Variants in ECPAS observed in about 807,000 individuals in gnomAD.
ECPAS encodes the protein proteasome adapter and scaffold protein ECM29.
In ECPAS, 70 loss-of-function variants were observed where a neutral mutation model predicts 255.1. The ratio of observed to expected loss-of-function variants is 0.27; its 90% CI spans 0.23 to 0.33. ECPAS has a LOEUF of 0.33. Among genes scored for constraint, ECPAS ranks in the 10% least tolerant of loss-of-function variants. The pLI, the probability that ECPAS is intolerant of heterozygous loss-of-function variation, is 1.00. For synonymous variants in ECPAS, 784 were observed against 775.0 expected, an observed-to-expected ratio of 1.01 and a Z score of -0.19; for missense variants, 1,817 against 2,206.4, an observed-to-expected ratio of 0.82 and a Z score of 3.54.
intron 48 of ECPAS, among the ~76,000 whole-genome samples, chr9:111,364,129 G>A (rs1381576125): frequency 6.6e-6 from 1 of 152,176 alleles, no homozygotes; most frequent in Admixed American, 6.6e-5. Context: ...ATAAAAGGAT[G>A]CTGCTGCCAA....
chr9:111,372,875 T>C (rs1309626291), intron 41 of ECPAS, among the ~76,000 whole-genome samples: 1 of 151,688 alleles, frequency 6.6e-6, no homozygotes, highest in Non-Finnish European at 1.5e-5. Context: ...ATACAAAAAA[T>C]ACAAAAATTA....
At position 111,484,168 on chromosome 9, in the gene ECPAS, T is replaced by C. The variant is rs2098311760; in HGVS notation, c.-135A>G. ...GGACGCTGCGCTCGGCGCCGCGAGG[T>C]GAGGGCTGTAGAGCGAGGCGTTCGG... On this transcript the variant is annotated 5_prime_UTR_variant, in exon 1 of 50. Coordinates refer to ENST00000684092, the MANE Select transcript of ECPAS (RefSeq NM_001364929.1). 1.4e-6 allele frequency: 2 copies of C among 1,478,126 alleles called. No individual in the cohort carries two copies. The highest frequency in any genetic ancestry group is 1.8e-6 in the Non-Finnish European group (2 of 1,117,234). The allele number at this position is 1,478,126 out of a possible 1,614,324, so 91.6% of individuals were successfully genotyped here.
chr9:111,417,621 C>T (rs2098206046), intron 17 of ECPAS, among the ~76,000 whole-genome samples: 1 of 151,994 alleles, frequency 6.6e-6, no homozygotes, highest in Non-Finnish European at 1.5e-5. Flanking sequence ...GTGGCAGGCG[C>T]CTATAATCCC....
intron 1 of ECPAS, among the ~76,000 whole-genome samples, chr9:111,482,292 A>G (rs1234139429): frequency 2.6e-5 from 4 of 152,130 alleles, no homozygotes; most frequent in Non-Finnish European, 5.9e-5. Context: ...CTTCAGCTTC[A>G]AAAAAAGCAA....
rs139447124 is a variant in ECPAS at position 111,385,562 on chromosome 9, C to T, written c.3528-120G>A. Reference sequence around the variant, plus strand: ...AATTCGAGTTCTCATCCCCTCACCCCAAAACAGCAATGACTTCTCTCCAGG... The same window carrying T: ...AATTCGAGTTCTCATCCCCTCACCCTAAAACAGCAATGACTTCTCTCCAGG... On this transcript the variant is annotated intron_variant, in intron 32 of 49. Transcript: ENST00000684092. 385 of 657,582 alleles carry T rather than the reference C, an allele frequency of 5.9e-4. 1 individual carries two copies. In the African/African-American group the frequency reaches 6.5e-3, roughly 11 times the overall value. The allele number at this position is 657,582 out of a possible 1,614,324, so 40.7% of individuals were successfully genotyped here.
At chr9:111,438,058 T>A (rs969508283) in intron 6 of ECPAS, among the ~76,000 whole-genome samples, 4 of 152,166 alleles carry the variant, frequency 2.6e-5, no homozygotes, top group African/African-American at 7.2e-5. Context: ...ATCTATTTTT[T>A]AAAAATCTCT....
At position 111,421,966 on chromosome 9, in the gene ECPAS, T is replaced by C. The variant is rs1215284128; in HGVS notation, c.1410A>G (p.Ala470=). ...MVGAYSTLEG[A]QRTLMEALVA... ...CAAGTGCCTCCATGAGAGTTCGCTG[T>C]GCCCCTTCCAAAGTACTATACGCTC... is the stretch of plus-strand genomic sequence containing the variant. Residue 470 remains alanine, a synonymous_variant, in exon 15 of 50, where the codon GCA becomes GCG. Coordinates refer to ENST00000684092, the MANE Select transcript of ECPAS (RefSeq NM_001364929.1). 3.1e-6 allele frequency: 5 copies of C among 1,613,626 alleles called. No homozygotes were observed. Among genetic ancestry groups the C allele is most frequent in the Non-Finnish European group, 3.4e-6 (4 of 1,179,780 alleles).
intron 39 of ECPAS, 150 bp from the exon 40 acceptor site, chr9:111,373,556 T>G (rs1269002451): frequency 1.5e-6 from 1 of 652,544 alleles, no homozygotes; most frequent in Non-Finnish European, 2.6e-6. Flanking sequence ...ATATATCCAT[T>G]TGCTTCCTTT....
rs185451944 is a variant in ECPAS, at chr9:111,434,723, G to A, written c.709-1351C>T. 2.4e-3 allele frequency among the ~76,000 whole-genome samples: 365 copies of A among 151,234 alleles called. 3 individuals are homozygous for A. The highest frequency in any genetic ancestry group is 4.0e-3 in the Non-Finnish European group (273 of 67,858). On this transcript the variant is annotated intron_variant, in intron 7 of 49. Coordinates refer to ENST00000684092, the MANE Select transcript of ECPAS (RefSeq NM_001364929.1). ...TCGTGCCTCAGCCTCCCCAGCAGCT[G>A]GGGCTACAGGCACACACACCGCCAT...
At chr9:111,484,011 C>G (rs867773171) in intron 1 of ECPAS, 105 bp downstream of exon 1, 2 of 1,020,152 alleles carry the variant, frequency 2.0e-6, no homozygotes, top group Non-Finnish European at 2.3e-6. Context: ...CGCGTGCGCT[C>G]CCCGCGCGGA....
chr9:111,484,315 C>T lies in ECPAS; in HGVS notation c.-282G>A. The T allele has an allele frequency of 5.0e-6, 8 of 1,587,608 alleles. No individual in the cohort carries two copies. Among genetic ancestry groups the T allele is most frequent in the Non-Finnish European group, 5.1e-6 (6 of 1,168,430 alleles). On this transcript the variant is annotated 5_prime_UTR_variant, in exon 1 of 50. Coordinates refer to ENST00000684092, the MANE Select transcript of ECPAS (RefSeq NM_001364929.1). ...GGGCCGGAGCGCCCTTTTCCGAGGT[C>T]TGCGGCTGTCACGTTGGCTGGGCCC...
At chr9:111,429,563 C>T (rs779071786) in intron 9 of ECPAS, among the ~76,000 whole-genome samples, 3 of 152,200 alleles carry the variant, frequency 2.0e-5, no homozygotes, top group Non-Finnish European at 2.9e-5. Flanking sequence ...CAAACCTTTC[C>T]TCCCCAGCAC....
intron 2 of ECPAS, among the ~76,000 whole-genome samples, chr9:111,468,689 CGTGT>C (rs141517725): frequency 1.3e-5 from 2 of 149,914 alleles, no homozygotes; most frequent in Non-Finnish European, 3.0e-5. Flanking sequence ...CAAGCTCAAA[CGTGT>C]GTGTGTGTGT....
intron 13 of ECPAS, 121 bp from the exon 14 acceptor site, chr9:111,422,321 C>A: frequency 1.9e-6 from 2 of 1,056,210 alleles, no homozygotes; most frequent in Non-Finnish European, 2.7e-6. Flanking sequence ...CATCATTACC[C>A]GCTCTGAGAG....
Position 111,484,168 on chromosome 9 carries a change from TG to T in ECPAS, c.-136del. Reference sequence around the variant, plus strand: ...GGACGCTGCGCTCGGCGCCGCGAGGTGAGGGCTGTAGAGCGAGGCGTTCGGC... The same window carrying T: ...GGACGCTGCGCTCGGCGCCGCGAGGTAGGGCTGTAGAGCGAGGCGTTCGGC... On this transcript the variant is annotated 5_prime_UTR_variant, in exon 1 of 50. Coordinates refer to ENST00000684092, the MANE Select transcript of ECPAS (RefSeq NM_001364929.1). 1 of 1,478,126 alleles carries T rather than the reference TG, an allele frequency of 6.8e-7. No individual in the cohort carries two copies. The highest frequency in any genetic ancestry group is 9.0e-7 in the Non-Finnish European group (1 of 1,117,234). 91.6% of individuals were successfully genotyped at this position (1,478,126 alleles called of 1,614,324 possible).
chr9:111,420,813 T>C (rs2098212406), intron 15 of ECPAS, among the ~76,000 whole-genome samples: 1 of 152,240 alleles, frequency 6.6e-6, no homozygotes, highest in Admixed American at 6.5e-5. Flanking sequence ...CCACTCATTC[T>C]GGCATTCTTG....
chr9:111,416,217 T>C, intron 18 of ECPAS, 55 bp downstream of exon 18: 1 of 1,289,306 alleles, frequency 7.8e-7, no homozygotes, highest in African/African-American at 1.5e-5. Context: ...TTGGGTGTGG[T>C]GTGATCTTTT....
intron 2 of ECPAS, among the ~76,000 whole-genome samples, chr9:111,471,617 T>C (rs2098288285): frequency 1.3e-5 from 2 of 152,322 alleles, no homozygotes; most frequent in South Asian, 4.1e-4. Context: ...AGAATTACAA[T>C]CTGAATTTAC....
intron 31 of ECPAS, among the ~76,000 whole-genome samples, chr9:111,387,710 C>T (rs776777210): frequency 2.0e-5 from 3 of 148,936 alleles, no homozygotes; most frequent in Non-Finnish European, 4.4e-5. Flanking sequence ...TACTGAGAGA[C>T]AGTGTCTCAC....
Sources: allele counts gnomAD v4.1 joint callset (sites outside exome capture counted in the v4.1 genomes callset), GRCh38; gene constraint gnomAD v4.1.1; transcripts MANE v1.5; gene names NCBI Gene and HGNC (gene_info 2026-07-23, HGNC 2026-07-21).